PCA3: variants seen among roughly 807,000 people sequenced by gnomAD.
PCA3 encodes the protein Differential Display code 3.
At chr9:76,782,503 C>G (rs1417573637) in intron 2 of PCA3, among the ~76,000 whole-genome samples, 1 of 152,208 alleles carries the variant, frequency 6.6e-6, no homozygotes, top group African/African-American at 2.4e-5. Flanking sequence ...ACTACAGCAT[C>G]TTCTTTACAG....
intron 2 of PCA3, among the ~76,000 whole-genome samples, chr9:76,779,242 T>C (rs981593425): frequency 2.0e-5 from 3 of 152,088 alleles, no homozygotes; most frequent in East Asian, 1.9e-4. Flanking sequence ...CTTTTTTTTT[T>C]TTTTGGAAGT....
At chr9:76,770,374 T>C (rs886393154) in intron 2 of PCA3, among the ~76,000 whole-genome samples, 1 of 152,166 alleles carries the variant, frequency 6.6e-6, no homozygotes, top group Admixed American at 6.6e-5. Context: ...TTTTTTAAAG[T>C]GATAAAGTTT....
chr9:76,778,767 C>A (rs2054066415), intron 2 of PCA3: 1 of 152,080 alleles, frequency 6.6e-6, no homozygotes, highest in Admixed American at 6.5e-5. Context: ...AGAACAATGC[C>A]CAGATTAGTA....
chr9:76,766,773 T>C (rs1564251764), intron 2 of PCA3, among the ~76,000 whole-genome samples: 3 of 152,094 alleles, frequency 2.0e-5, no homozygotes, highest in Admixed American at 2.0e-4. Flanking sequence ...TTTTTTCATG[T>C]GTAGCTTCTT....
At chr9:76,773,813 G>A (rs1191946380) in intron 2 of PCA3, among the ~76,000 whole-genome samples, 1 of 152,100 alleles carries the variant, frequency 6.6e-6, no homozygotes, top group African/African-American at 2.4e-5. Flanking sequence ...AACTGGTAAA[G>A]GGAATTCAAC....
chr9:76,780,250 A>G (rs976775981), intron 2 of PCA3, among the ~76,000 whole-genome samples: 1 of 152,208 alleles, frequency 6.6e-6, no homozygotes, highest in African/African-American at 2.4e-5. Flanking sequence ...TAAACTCATA[A>G]TGAAGCAGCT....
At chr9:76,785,733 C>CTGTGTGTGTG (rs10681024) in intron 2 of PCA3, 4 of 149,534 alleles carry the variant, frequency 2.7e-5, no homozygotes, top group African/African-American at 9.8e-5. Context: ...GTTAAGAGCT[C>CTGTGTGTGTG]TGTGTGTGTG....
At chr9:76,767,819 C>T (rs978892645) in intron 2 of PCA3, among the ~76,000 whole-genome samples, 6 of 152,188 alleles carry the variant, frequency 3.9e-5, no homozygotes, top group Non-Finnish European at 5.9e-5. Flanking sequence ...ATCTTCTATC[C>T]GAACACTGTC....
At chr9:76,770,251 T>C (rs1016541672) in intron 2 of PCA3, among the ~76,000 whole-genome samples, 3 of 152,170 alleles carry the variant, frequency 2.0e-5, no homozygotes, top group African/African-American at 4.8e-5. Context: ...TTAGAGTGTG[T>C]TTATTTTAGT....
At chr9:76,783,298 A>G (rs973859600) in intron 2 of PCA3, among the ~76,000 whole-genome samples, 4 of 152,144 alleles carry the variant, frequency 2.6e-5, no homozygotes, top group Middle Eastern at 3.4e-3. Context: ...CAGCACGCCC[A>G]GCTAATTTTT....
rs1017495263 is a variant in PCA3 at position 76,769,497 on chromosome 9, G to A, written n.852+32882G>A. Among the ~76,000 whole-genome samples the A allele has an allele frequency of 9.6e-4, 41 of 42,594 alleles. 1 individual carries two copies. The South Asian group carries it at 0.041, about 42-fold the overall frequency. The allele number at this position is 42,594 out of a possible 152,430, so 27.9% of individuals were successfully genotyped here. A position where few individuals can be genotyped will look rare whatever the true frequency, so the allele number is the denominator to read the frequency against. On this transcript the variant is annotated intron_variant and non_coding_transcript_variant, in intron 2 of 5. Coordinates refer to ENST00000644657, the Ensembl canonical transcript of PCA3. ...GAGTGCAATGGCACAATCTCGGCTC[G>A]TCGTCGCAACCTCCGCCCCCCGGGT...
chr9:76,771,879 A>G (rs2053153499), intron 2 of PCA3, among the ~76,000 whole-genome samples: 1 of 152,158 alleles, frequency 6.6e-6, no homozygotes, highest in Admixed American at 6.5e-5. Context: ...AGAAAGGAAA[A>G]GCCACTCTGG....
At chr9:76,766,261 G>A (rs898652817) in intron 2 of PCA3, among the ~76,000 whole-genome samples, 4 of 151,350 alleles carry the variant, frequency 2.6e-5, no homozygotes, top group South Asian at 2.1e-4. Context: ...CTAGCTTCAA[G>A]CAGAAAAGAC....
chr9:76,785,382 A>T (rs1230136449), intron 2 of PCA3: 1 of 152,244 alleles, frequency 6.6e-6, no homozygotes, highest in Non-Finnish European at 1.5e-5. Flanking sequence ...TGCAAGAGCC[A>T]CAGAGGGAAT....
At chr9:76,772,554 A>G (rs1461270547) in intron 2 of PCA3, among the ~76,000 whole-genome samples, 1 of 152,108 alleles carries the variant, frequency 6.6e-6, no homozygotes, top group East Asian at 1.9e-4. Flanking sequence ...ACTTGTGAAC[A>G]TGGTAAATTA....
intron 2 of PCA3, chr9:76,786,390 C>T (rs1257195978): frequency 6.6e-6 from 1 of 152,436 alleles, no homozygotes; most frequent in Non-Finnish European, 1.5e-5. Context: ...GAGCTGTCAT[C>T]GTCCCCATCT....
chr9:76,776,511 CTTTTTTCTTTTTTTTTTT>C (rs933511872), intron 2 of PCA3, among the ~76,000 whole-genome samples: 2 of 134,872 alleles, frequency 1.5e-5, no homozygotes, highest in African/African-American at 5.5e-5. Flanking sequence ...TTTTTTTTTT[CTTTTTTCTTTTTTTTTTT>C]TTTTTGAGAT....
At chr9:76,776,917 C>T (rs2053850437) in intron 2 of PCA3, among the ~76,000 whole-genome samples, 1 of 149,210 alleles carries the variant, frequency 6.7e-6, no homozygotes, top group Admixed American at 6.7e-5. Context: ...CACACACACA[C>T]ACACACACAC....
chr9:76,777,540 T>C (rs777530736), intron 2 of PCA3, among the ~76,000 whole-genome samples: 3 of 152,244 alleles, frequency 2.0e-5, no homozygotes, highest in Non-Finnish European at 4.4e-5. Context: ...TGTATTCATT[T>C]ATTCAATTCA....
Sources: gnomAD v4.1 joint callset for allele counts (sites outside exome capture counted in the v4.1 genomes callset) on GRCh38, gnomAD v4.1.1 for gene constraint, MANE v1.5 for transcripts, NCBI Gene and HGNC (gene_info 2026-07-23, HGNC 2026-07-21) for gene names.